The following TSEN2 variants were observed in gnomAD, a reference collection of about 807,000 sequenced individuals.
The protein encoded by TSEN2 is tRNA-splicing endonuclease subunit Sen2.
Under a neutral mutation model 59.2 loss-of-function variants are expected in TSEN2, and 54 were observed. The observed-to-expected ratio is 0.91, with a 90% CI of 0.73 to 1.14. TSEN2 has a LOEUF of 1.14. TSEN2 is among the 50% of genes most tolerant of loss of function. The pLI is 0.00. For synonymous variants in TSEN2, 195 were observed against 198.2 expected (o/e 0.98, Z 0.14); for missense variants, 636 against 576.2 (o/e 1.10, Z -1.06).
intron 2 of TSEN2, 150 bp from the exon 3 acceptor site, chr3:12,491,986 T>A: frequency 3.0e-6 from 2 of 668,422 alleles, no homozygotes; most frequent in East Asian, 5.4e-5. Context: ...CCATTTTATA[T>A]CAGGGACTCG....
At chr3:12,514,525 G>A (rs1451176940) in intron 6 of TSEN2, among the ~76,000 whole-genome samples, 2 of 152,128 alleles carry the variant, frequency 1.3e-5, no homozygotes, top group African/African-American at 2.4e-5. Context: ...ACAGACTTGG[G>A]ACCAAGAAGG....
upstream of TSEN2, among the ~76,000 whole-genome samples, chr3:12,481,070 T>A (rs1208473477): frequency 6.6e-6 from 1 of 152,220 alleles, no homozygotes; most frequent in Non-Finnish European, 1.5e-5. Context: ...AAGTGCCCAA[T>A]AAATTGTCAC....
chr3:12,495,893 G>T (rs991295942), intron 3 of TSEN2, among the ~76,000 whole-genome samples: 2 of 152,212 alleles, frequency 1.3e-5, no homozygotes, highest in Non-Finnish European at 2.9e-5. Flanking sequence ...CCCTGCTTAT[G>T]CCTGGGGTAC....
In TSEN2 at chr3:12,484,646, C is replaced by A. The variant is rs1218296155; in HGVS notation, c.-252C>A. 2 of 152,248 alleles carry A rather than the reference C, an allele frequency of 1.3e-5. No individual in the cohort carries two copies. The highest frequency in any genetic ancestry group is 2.9e-5 in the Non-Finnish European group (2 of 68,050). 9.4% of individuals were successfully genotyped at this position (152,248 alleles called of 1,614,324 possible). A position where few individuals can be genotyped will look rare whatever the true frequency, so the allele number is the denominator to read the frequency against. ...GGGCCTAGGTACTGTGCTGGGGTCGCACAGCCGGCCGAGACAGTGCCGGGA... is the reference window on the plus strand; with the variant it reads ...GGGCCTAGGTACTGTGCTGGGGTCGAACAGCCGGCCGAGACAGTGCCGGGA... On this transcript the variant is annotated 5_prime_UTR_variant, in exon 1 of 12. Transcript: ENST00000284995.
At chr3:12,498,663 G>C (rs1375456735) in intron 4 of TSEN2, among the ~76,000 whole-genome samples, 1 of 152,192 alleles carries the variant, frequency 6.6e-6, no homozygotes, top group African/African-American at 2.4e-5. Flanking sequence ...GTTGCTTGAA[G>C]GGGGTATGCT....
chr3:12,493,901 A>G (rs1377220172), intron 3 of TSEN2, among the ~76,000 whole-genome samples: 1 of 152,202 alleles, frequency 6.6e-6, no homozygotes, highest in African/African-American at 2.4e-5. Flanking sequence ...AACCGTTGCC[A>G]AGTCCAAATC....
At chr3:12,526,884 G>A (rs948224558) in intron 8 of TSEN2, among the ~76,000 whole-genome samples, 1 of 152,184 alleles carries the variant, frequency 6.6e-6, no homozygotes, top group Non-Finnish European at 1.5e-5. Context: ...AATGCTCCAG[G>A]TGCATATTGG....
In TSEN2 at chr3:12,502,460, C is replaced by T. The variant is rs368473995; in HGVS notation, c.309-802C>T. On this transcript the variant is annotated intron_variant, in intron 4 of 11. Transcript: ENST00000284995. ...CTGAGGCAGAAGAATCGCTTGAACC[C>T]GGGAGGCAGAGGTTACAGTGAGCCG... is the stretch of plus-strand genomic sequence containing the variant. Among the ~76,000 whole-genome samples, 20 of 152,012 alleles carry T rather than the reference C, an allele frequency of 1.3e-4. 1 individual carries two copies. Among genetic ancestry groups the T allele is most frequent in the Admixed American group, 7.9e-4 (12 of 15,266 alleles).
chr3:12,534,506 C>T (rs1161012886), downstream of TSEN2, among the ~76,000 whole-genome samples: 2 of 152,036 alleles, frequency 1.3e-5, no homozygotes, highest in East Asian at 1.9e-4. Flanking sequence ...TTTACCTAAT[C>T]GTGTGGTTGT....
At chr3:12,489,722 A>G in intron 1 of TSEN2, 62 bp from the exon 2 acceptor site, 1 of 1,426,498 alleles carries the variant, frequency 7.0e-7, no homozygotes, top group Non-Finnish European at 9.7e-7. Flanking sequence ...ATGTACTCAC[A>G]TTTTGGATCA....
chr3:12,480,743 A>C (rs1300926860), upstream of TSEN2, among the ~76,000 whole-genome samples: 2 of 151,932 alleles, frequency 1.3e-5, no homozygotes, highest in African/African-American at 4.8e-5. Context: ...CATGTTGGCC[A>C]GGCTGGTCTT....
At chr3:12,490,082 A>C in intron 2 of TSEN2, 93 bp downstream of exon 2, 1 of 1,154,034 alleles carries the variant, frequency 8.7e-7, no homozygotes, top group Non-Finnish European at 1.3e-6. Context: ...CCCCACACCA[A>C]CCATGAACAA....
At position 12,529,016 on chromosome 3, in the gene TSEN2, A is replaced by G; in HGVS notation, c.1136+92A>G. ...AACTTTTTGGTGCCATAGGAACAAAAGTCATGTTCTTCCTGGCCTGATACG... is the reference window on the plus strand; with the variant it reads ...AACTTTTTGGTGCCATAGGAACAAAGGTCATGTTCTTCCTGGCCTGATACG... On this transcript the variant is annotated intron_variant, in intron 9 of 11. Transcript: ENST00000284995. 6.9e-6 allele frequency: 9 copies of G among 1,313,640 alleles called. No homozygotes were observed. In the South Asian group the frequency reaches 9.4e-5, roughly 14 times the overall value. 81.4% of individuals were successfully genotyped at this position (1,313,640 alleles called of 1,614,324 possible).
upstream of TSEN2, among the ~76,000 whole-genome samples, chr3:12,481,190 G>A (rs779247893): frequency 3.9e-5 from 6 of 152,146 alleles, no homozygotes; most frequent in South Asian, 4.1e-4. Flanking sequence ...ACATTTCACC[G>A]ATAACTGTTC....
chr3:12,495,869 C>T (rs1265005450), intron 3 of TSEN2, among the ~76,000 whole-genome samples: 2 of 152,198 alleles, frequency 1.3e-5, no homozygotes, highest in African/African-American at 4.8e-5. Flanking sequence ...TGGAAAGACT[C>T]CTCCCACCTG....
chr3:12,521,855 C>CA (rs1327277190), intron 8 of TSEN2, among the ~76,000 whole-genome samples: 2 of 151,926 alleles, frequency 1.3e-5, no homozygotes, highest in African/African-American at 4.8e-5. Context: ...ACTAAAAATA[C>CA]AAAAAATTAG....
intron 6 of TSEN2, 196 bp downstream of exon 6, chr3:12,505,427 T>TA (rs2054707388): frequency 1.7e-6 from 1 of 572,860 alleles, no homozygotes; most frequent in South Asian, 2.1e-5. Flanking sequence ...AGTTCTAAGA[T>TA]ATGTGTTTGC....
chr3:12,520,355 A>T (rs1453230910), intron 8 of TSEN2, among the ~76,000 whole-genome samples: 1 of 152,228 alleles, frequency 6.6e-6, no homozygotes, highest in Non-Finnish European at 1.5e-5. Context: ...GTCATTGCCC[A>T]TAATAGTTTC....
In TSEN2 at chr3:12,485,632, C is replaced by G. The variant is rs79844235; in HGVS notation, c.-18+752C>G. ...TGATGTAATTGATTGCAGGTGAGGC[C>G]TGGGCATGAGGAGTTAAGGGTAGGT... On this transcript the variant is annotated intron_variant, in intron 1 of 11. Coordinates refer to ENST00000284995, the MANE Select transcript of TSEN2 (RefSeq NM_025265.4). 4.9e-4 allele frequency among the ~76,000 whole-genome samples: 74 copies of G among 152,290 alleles called. 2 individuals carry two copies. The East Asian group carries it at 0.013, about 27-fold the overall frequency.
Sources: gnomAD v4.1 joint callset for allele counts (sites outside exome capture counted in the v4.1 genomes callset) on GRCh38, gnomAD v4.1.1 for gene constraint, MANE v1.5 for transcripts, NCBI Gene and HGNC (gene_info 2026-07-23, HGNC 2026-07-21) for gene names.